SSH2: variants seen among roughly 807,000 people sequenced by gnomAD.
The protein encoded by SSH2 is protein phosphatase Slingshot homolog 2.
Under a neutral mutation model 135.2 loss-of-function variants are expected in SSH2, and 37 were observed. The ratio of observed to expected loss-of-function variants is 0.27; its 90% confidence interval spans 0.21 to 0.36. The LOEUF (loss-of-function observed/expected upper bound fraction) is 0.36, where lower values mean the gene tolerates loss of function less well. SSH2 is among the 10% of genes least tolerant of loss of function. The pLI is 1.00. For synonymous variants in SSH2, 628 were observed against 646.2 expected (o/e 0.97, Z 0.43); for missense variants, 1,408 against 1,765.3 (o/e 0.80, Z 3.63).
At chr17:29,780,620 T>C (rs989986577) in intron 3 of SSH2, 1 of 151,984 alleles carries the variant, frequency 6.6e-6, no homozygotes, top group African/African-American at 2.4e-5. Flanking sequence ...AGACGGGGTT[T>C]CACCATGTTG....
At chr17:29,637,125 T>C (rs1301458213) in intron 14 of SSH2, among the ~76,000 whole-genome samples, 1 of 151,850 alleles carries the variant, frequency 6.6e-6, no homozygotes, top group Non-Finnish European at 1.5e-5. Flanking sequence ...TTGTTTTTTG[T>C]TTTTTTCAGA....
chr17:29,632,618 T>C lies in SSH2; in HGVS notation c.2576A>G (p.His859Arg), dbSNP rs773611213. ...MCNPEGCLTTHSSIADLEEGE... is the reference protein window; with the variant it reads ...MCNPEGCLTTRSSIADLEEGE... Reference sequence around the variant, plus strand: ...TTCTTCCAAGTCTGCTATAGATGAGTGTGTGGTTAGGCAGCCTTCTGGGTT... The same window carrying C: ...TTCTTCCAAGTCTGCTATAGATGAGCGTGTGGTTAGGCAGCCTTCTGGGTT... Residue 859 changes from histidine to arginine, a missense_variant, in exon 16 of 16, where the codon CAC (histidine) becomes CGC (arginine). Physicochemically the swap from His to Arg is conservative, Grantham distance 29 (BLOSUM62 0). This residue lies in a region of SSH2 where 1,080 missense variants were observed against 1,144.5 expected (regional missense o/e 0.94). Transcript: ENST00000540801. 25 of 1,613,824 alleles carry C rather than the reference T, an allele frequency of 1.5e-5. 1 individual carries two copies. In the Middle Eastern group the frequency reaches 8.2e-4, roughly 53 times the overall value.
intron 1 of SSH2, among the ~76,000 whole-genome samples, chr17:29,903,287 T>A (rs1008474016): frequency 6.8e-5 from 10 of 147,840 alleles, no homozygotes; most frequent in Admixed American, 2.7e-4. Flanking sequence ...ATATTTAAAA[T>A]ATATATATAT....
chr17:29,921,824 A>G (rs1279274042), intron 1 of SSH2, among the ~76,000 whole-genome samples: 1 of 152,182 alleles, frequency 6.6e-6, no homozygotes, highest in African/African-American at 2.4e-5. Flanking sequence ...CTGGGATTAC[A>G]GTAGTGAGCC....
chr17:29,802,055 G>T (rs953479272), intron 2 of SSH2, among the ~76,000 whole-genome samples: 1 of 152,024 alleles, frequency 6.6e-6, no homozygotes, highest in Non-Finnish European at 1.5e-5. Flanking sequence ...GAAAGATGAG[G>T]TCTCGCTATG....
chr17:29,655,703 C>T (rs1448672916), intron 11 of SSH2, 96 bp from the exon 12 acceptor site: 12 of 1,077,542 alleles, frequency 1.1e-5, no homozygotes, highest in South Asian at 3.8e-5. Flanking sequence ...AAAAAGAAGA[C>T]TAATAACATC....
chr17:29,638,499 T>C (rs1241814713), intron 14 of SSH2, among the ~76,000 whole-genome samples: 3 of 143,378 alleles, frequency 2.1e-5, no homozygotes, highest in Non-Finnish European at 3.0e-5. Flanking sequence ...GGCTTTTACT[T>C]TCTATATTTT....
intron 1 of SSH2, among the ~76,000 whole-genome samples, chr17:29,866,322 G>A (rs2065855517): frequency 6.6e-6 from 1 of 151,986 alleles, no homozygotes; most frequent in Non-Finnish European, 1.5e-5. Flanking sequence ...ACTACCAAAA[G>A]CAAAGTGGGG....
intron 8 of SSH2, among the ~76,000 whole-genome samples, chr17:29,672,353 G>A (rs570961803): frequency 6.6e-6 from 1 of 152,286 alleles, no homozygotes; most frequent in Non-Finnish European, 1.5e-5. Context: ...TTAAGGTAGG[G>A]AGAAGGCGGG....
intron 1 of SSH2, among the ~76,000 whole-genome samples, chr17:29,908,422 G>A (rs1259436697): frequency 6.6e-6 from 1 of 152,104 alleles, no homozygotes; most frequent in Non-Finnish European, 1.5e-5. Flanking sequence ...CCATGATTGT[G>A]CCATTGCACT....
Position 29,782,267 on chromosome 17 carries a change from T to C in SSH2, c.188+11627A>G, listed in dbSNP as rs372678656. 2.8e-4 allele frequency among the ~76,000 whole-genome samples: 43 copies of C among 152,346 alleles called. 1 individual carries two copies. The highest frequency in any genetic ancestry group is 9.9e-4 in the African/African-American group (41 of 41,586). On this transcript the variant is annotated intron_variant, in intron 3 of 15. Coordinates refer to ENST00000540801, the MANE Select transcript of SSH2 (RefSeq NM_001282129.2). ...GAGTTCCCTTTCTTAACTAGTATTA[T>C]TTCTAGTACAGTAATCAATATTCTT...
chr17:29,892,178 C>G (rs1239689525), intron 1 of SSH2, among the ~76,000 whole-genome samples: 2 of 151,950 alleles, frequency 1.3e-5, no homozygotes, highest in East Asian at 3.8e-4. Context: ...TAGCTGGGGA[C>G]TACAGACATG....
intron 11 of SSH2, among the ~76,000 whole-genome samples, chr17:29,664,368 G>A (rs1320986259): frequency 8.5e-5 from 12 of 140,694 alleles, no homozygotes; most frequent in East Asian, 4.1e-4. Flanking sequence ...GCGAGACTCC[G>A]TCTCCAAAAA....
intron 2 of SSH2, among the ~76,000 whole-genome samples, chr17:29,815,057 T>G (rs2042530934): frequency 6.6e-6 from 1 of 150,676 alleles, no homozygotes; most frequent in Non-Finnish European, 1.5e-5. Flanking sequence ...CTAGCGATTC[T>G]CTTGCTTCGG....
At chr17:29,887,670 C>T (rs1269220805) in intron 1 of SSH2, among the ~76,000 whole-genome samples, 5 of 152,108 alleles carry the variant, frequency 3.3e-5, no homozygotes, top group Admixed American at 2.6e-4. Flanking sequence ...CAGAGTAAGC[C>T]AATGTTGGTT....
chr17:29,740,019 T>C (rs565776150), intron 3 of SSH2, among the ~76,000 whole-genome samples: 2 of 152,230 alleles, frequency 1.3e-5, no homozygotes, highest in Non-Finnish European at 2.9e-5. Context: ...AATTCAGTTT[T>C]TGATGCCTCC....
At chr17:29,678,889 ATTT>A (rs1283917950) in intron 6 of SSH2, among the ~76,000 whole-genome samples, 5 of 151,540 alleles carry the variant, frequency 3.3e-5, no homozygotes, top group Non-Finnish European at 7.4e-5. Flanking sequence ...TAATTTTTGT[ATTT>A]TTAGCAGAGA....
In SSH2 at chr17:29,908,894, C is replaced by T. The variant is rs557469439; in HGVS notation, c.63+21044G>A. 2.2e-3 allele frequency among the ~76,000 whole-genome samples: 333 copies of T among 150,972 alleles called. 1 individual carries two copies. The highest frequency in any genetic ancestry group is 8.0e-3 in the African/African-American group (328 of 41,030). Reference sequence around the variant, plus strand: ...GAGATCGAGACCATCCTGGCTAACACGGTGAAACCCCATCTCTACTAAAAA... The same window carrying T: ...GAGATCGAGACCATCCTGGCTAACATGGTGAAACCCCATCTCTACTAAAAA... On this transcript the variant is annotated intron_variant, in intron 1 of 15. Transcript: ENST00000540801.
intron 15 of SSH2, among the ~76,000 whole-genome samples, chr17:29,635,654 C>T (rs993161804): frequency 3.9e-5 from 6 of 151,966 alleles, no homozygotes; most frequent in Admixed American, 2.0e-4. Context: ...GTGATCCGCC[C>T]GCCTTGGCCT....
Sources: gnomAD v4.1 joint callset for allele counts (sites outside exome capture counted in the v4.1 genomes callset) on GRCh38, gnomAD v4.1.1 for gene constraint, gnomAD v4.1.1 regional missense constraint, MANE v1.5 for transcripts, NCBI Gene and HGNC (gene_info 2026-07-23, HGNC 2026-07-21) for gene names.